Variants in CFAP77 observed in about 807,000 individuals in gnomAD.
CFAP77 encodes cilia and flagella associated protein 77.
Under a neutral mutation model 31.1 loss-of-function variants are expected in CFAP77, and 25 were observed. That is an observed-to-expected ratio of 0.80 (90% CI 0.59 to 1.12). The LOEUF (loss-of-function observed/expected upper bound fraction) is 1.12. Among genes scored for constraint, CFAP77 ranks in the 50% most tolerant of loss-of-function variants. CFAP77 has a pLI of 0.00. For synonymous variants in CFAP77, 151 were observed against 159.9 expected (o/e 0.94, Z 0.42); for missense variants, 377 against 397.3 (o/e 0.95, Z 0.44).
chr9:132,460,462 C>T (rs561449688), intron 1 of CFAP77, among the ~76,000 whole-genome samples: 8 of 152,312 alleles, frequency 5.3e-5, no homozygotes, highest in East Asian at 1.9e-4. Context: ...ATCCATGCTA[C>T]AGCATGGACA....
chr9:132,521,350 G>A (rs1402153758), intron 3 of CFAP77, among the ~76,000 whole-genome samples: 1 of 152,226 alleles, frequency 6.6e-6, no homozygotes, highest in African/African-American at 2.4e-5. Context: ...GGGCATTGCA[G>A]TTGAGGCCAC....
chr9:132,457,347 C>G (rs954115715), intron 1 of CFAP77, among the ~76,000 whole-genome samples: 2 of 152,132 alleles, frequency 1.3e-5, no homozygotes, highest in African/African-American at 4.8e-5. Context: ...ATCGAGATTT[C>G]GCTATTATTT....
chr9:132,422,992 C>G (rs192358274), intron 1 of CFAP77, among the ~76,000 whole-genome samples: 1 of 152,166 alleles, frequency 6.6e-6, no homozygotes, highest in Non-Finnish European at 1.5e-5. Flanking sequence ...CCAAGTCCGC[C>G]GCGCTCCGTA....
At chr9:132,444,581 C>G (rs1012631618) in intron 1 of CFAP77, among the ~76,000 whole-genome samples, 1 of 152,164 alleles carries the variant, frequency 6.6e-6, no homozygotes, top group Non-Finnish European at 1.5e-5. Flanking sequence ...GAAGGCTGAC[C>G]TGAGTCCTTC....
intron 1 of CFAP77, among the ~76,000 whole-genome samples, chr9:132,454,641 G>A (rs977776946): frequency 2.0e-5 from 3 of 152,210 alleles, no homozygotes; most frequent in African/African-American, 7.2e-5. Flanking sequence ...GAACCACGTG[G>A]TGAATCCTTT....
chr9:132,504,457 G>A (rs567587856), intron 3 of CFAP77, among the ~76,000 whole-genome samples: 102 of 152,340 alleles, frequency 6.7e-4, no homozygotes, highest in African/African-American at 2.3e-3. Flanking sequence ...GATGGTAAAT[G>A]GGCTTTGCAT....
chr9:132,541,700 G>A (rs73558661), intron 4 of CFAP77, among the ~76,000 whole-genome samples: 1,779 of 152,262 alleles, frequency 0.012, 24 homozygotes, highest in African/African-American at 0.039. Context: ...GTGACACTCC[G>A]TCTCAAAACA....
At chr9:132,518,328 C>T (rs1852185638) in intron 3 of CFAP77, among the ~76,000 whole-genome samples, 1 of 152,152 alleles carries the variant, frequency 6.6e-6, no homozygotes, top group Admixed American at 6.5e-5. Flanking sequence ...CTACCTCCAC[C>T]TGGACGAGAT....
At chr9:132,450,123 G>T (rs1189537119) in intron 1 of CFAP77, among the ~76,000 whole-genome samples, 1 of 151,514 alleles carries the variant, frequency 6.6e-6, no homozygotes, top group East Asian at 1.9e-4. Context: ...GTAGAGACGG[G>T]GTTTCATCGT....
chr9:132,413,403 G>A (rs940728806), intron 1 of CFAP77, among the ~76,000 whole-genome samples: 3 of 152,124 alleles, frequency 2.0e-5, no homozygotes, highest in African/African-American at 7.2e-5. Context: ...GAATCAAGTC[G>A]GTGTTTTACA....
chr9:132,477,310 A>G (rs489581), intron 1 of CFAP77, among the ~76,000 whole-genome samples: 72,178 of 152,064 alleles, frequency 0.47, 17,262 homozygotes, highest in Admixed American at 0.55. Flanking sequence ...TTCATTCAGC[A>G]AAGATGCATT....
chr9:132,485,303 C>T lies in CFAP77; in HGVS notation c.196-13392C>T, dbSNP rs570586776. On this transcript the variant is annotated intron_variant, in intron 1 of 5. Coordinates refer to ENST00000393216, the MANE Select transcript of CFAP77 (RefSeq NM_001282957.2). The stretch of plus-strand genomic sequence containing the variant: ...CATTGTGAAATGCTCTGCCACCCTC[C>T]GAGCTGGAGGCTCTCATGATACCTA... Among the ~76,000 whole-genome samples, 9 of 152,310 alleles carry T rather than the reference C, an allele frequency of 5.9e-5. No individual in the cohort carries two copies. The South Asian group carries it at 1.0e-3, about 18-fold the overall frequency.
At chr9:132,513,107 A>G (rs1241324378) in intron 3 of CFAP77, among the ~76,000 whole-genome samples, 1 of 152,178 alleles carries the variant, frequency 6.6e-6, no homozygotes, top group Admixed American at 6.5e-5. Context: ...TGTAATGCAT[A>G]ATAATCACAT....
intron 1 of CFAP77, among the ~76,000 whole-genome samples, chr9:132,445,860 C>G (rs1564206449): frequency 7.0e-6 from 1 of 142,386 alleles, no homozygotes; most frequent in East Asian, 2.0e-4. Flanking sequence ...CAGAGTGAGA[C>G]TCGATCTCAA....
At chr9:132,467,023 C>G (rs747967987) in intron 1 of CFAP77, among the ~76,000 whole-genome samples, 3 of 151,994 alleles carry the variant, frequency 2.0e-5, no homozygotes, top group African/African-American at 4.8e-5. Flanking sequence ...ATTAAAAATA[C>G]AAAAATTAGC....
In CFAP77 at chr9:132,565,740, C is replaced by T. The variant is rs1230880489; in HGVS notation, c.733-6648C>T. On this transcript the variant is annotated intron_variant, in intron 5 of 5. Transcript: ENST00000393216. This position sits in a 1 kb window ranked among gnomAD's most constrained non-coding sequence, Gnocchi z 4.1. ...CTCCCTGGGTCCATGTGGGCTCTGCCTTCCTGGCAGGTGTGTTTCCAGGGC... is the reference window on the plus strand; with the variant it reads ...CTCCCTGGGTCCATGTGGGCTCTGCTTTCCTGGCAGGTGTGTTTCCAGGGC... Among the ~76,000 whole-genome samples the T allele has an allele frequency of 2.0e-5, 3 of 151,704 alleles. No individual in the cohort carries two copies. The highest frequency in any genetic ancestry group is 2.4e-5 in the African/African-American group (1 of 41,418).
At chr9:132,524,709 C>T (rs925988687) in intron 3 of CFAP77, among the ~76,000 whole-genome samples, 18 of 152,034 alleles carry the variant, frequency 1.2e-4, no homozygotes, top group African/African-American at 3.6e-4. Context: ...AGTGCAGTGG[C>T]GTGATCTCGG....
rs1852043066 is a variant in CFAP77 at position 132,511,723 on chromosome 9, T to C, written c.524+12123T>C. Reference sequence around the variant, plus strand: ...ATCATCGTTTGTTAATTTCCTGGGGTTTCTGAAACAAATTACCACACGTTC... The same window carrying C: ...ATCATCGTTTGTTAATTTCCTGGGGCTTCTGAAACAAATTACCACACGTTC... On this transcript the variant is annotated intron_variant, in intron 3 of 5. Coordinates refer to ENST00000393216, the MANE Select transcript of CFAP77 (RefSeq NM_001282957.2). This position sits in a 1 kb window ranked among gnomAD's most constrained non-coding sequence, Gnocchi z 5.8. 1.3e-5 allele frequency among the ~76,000 whole-genome samples: 2 copies of C among 152,102 alleles called. No homozygotes were observed.
Position 132,545,865 on chromosome 9 carries a change from G to A in CFAP77, c.732+2818G>A, listed in dbSNP as rs1035287138. On this transcript the variant is annotated intron_variant, in intron 5 of 5. Coordinates refer to ENST00000393216, the MANE Select transcript of CFAP77 (RefSeq NM_001282957.2). The surrounding 1 kb of genome is among the most constrained non-coding windows in gnomAD (Gnocchi z 4.6). ...GGGTTTCCTAGCCCCAGGGCCTCCC[G>A]AGGACCCCTTCCCTCACCTCCAGGC... Among the ~76,000 whole-genome samples the A allele has an allele frequency of 6.6e-6, 1 of 152,032 alleles. No homozygotes were observed. The highest frequency in any genetic ancestry group is 1.5e-5 in the Non-Finnish European group (1 of 67,994).
Sources: gnomAD v4.1 joint callset for allele counts (sites outside exome capture counted in the v4.1 genomes callset) on GRCh38, gnomAD v4.1.1 for gene constraint, Gnocchi (gnomAD v3.1) non-coding constraint, MANE v1.5 for transcripts, NCBI Gene and HGNC (gene_info 2026-07-23, HGNC 2026-07-21) for gene names.